Variants in TRHDE observed in about 807,000 individuals in gnomAD.
The protein encoded by TRHDE is thyrotropin-releasing hormone-degrading ectoenzyme.
In TRHDE, 72 loss-of-function variants were observed where a neutral mutation model predicts 125.7. The observed-to-expected ratio is 0.57, with a 90% CI of 0.47 to 0.70. The LOEUF (loss-of-function observed/expected upper bound fraction) is 0.70. Among genes scored for constraint, TRHDE ranks in the 30% least tolerant of loss-of-function variants. The probability of loss-of-function intolerance (pLI) is 0.00; values close to 1 mark genes in which losing one functional copy is unlikely to be tolerated. For synonymous variants in TRHDE, 509 were observed against 509.1 expected (o/e 1.00, Z 0.00); for missense variants, 1,110 against 1,327.1 (o/e 0.84, Z 2.54).
chr12:72,614,330 A>AT (rs1555202261), intron 12 of TRHDE, among the ~76,000 whole-genome samples: 1,760 of 129,818 alleles, frequency 0.014, 26 homozygotes, highest in South Asian at 0.034. Flanking sequence ...ATATATATAT[A>AT]TTTTTTTTTT....
In TRHDE at chr12:72,608,755, A is replaced by G. The variant is rs548711221; in HGVS notation, c.2322-10136A>G. Among the ~76,000 whole-genome samples the G allele has an allele frequency of 3.5e-4, 53 of 152,322 alleles. 2 individuals carry two copies. The South Asian group carries it at 0.011, about 31-fold the overall frequency. ...TAAGGCCATGGATTACTCTCACTTC[A>G]TATCCCCTATAATTTTCTCCCATAT... On this transcript the variant is annotated intron_variant, in intron 12 of 18. Transcript: ENST00000261180.
In TRHDE at chr12:72,380,738, C is replaced by G. The variant is rs539503403; in HGVS notation, c.1315+2617C>G. 7.6e-3 allele frequency among the ~76,000 whole-genome samples: 704 copies of G among 92,530 alleles called. 4 individuals carry two copies. Among genetic ancestry groups the G allele is most frequent in the Middle Eastern group, 0.017 (3 of 178 alleles). The allele number at this position is 92,530 out of a possible 152,430, so 60.7% of individuals were successfully genotyped here. ...TCCTTCCTTCCTTCCTTCCTTGCTT[C>G]CTTCCTTCCTTCCTTCCTTCCTTCC... On this transcript the variant is annotated intron_variant, in intron 3 of 18. Transcript: ENST00000261180.
intron 7 of TRHDE, among the ~76,000 whole-genome samples, chr12:72,560,209 T>C (rs923923567): frequency 2.6e-5 from 4 of 152,168 alleles, no homozygotes; most frequent in African/African-American, 9.7e-5. Flanking sequence ...AGATATGTTA[T>C]CTTCCCTGAA....
At chr12:72,571,279 T>C (rs373774726) in intron 10 of TRHDE, among the ~76,000 whole-genome samples, 2 of 152,172 alleles carry the variant, frequency 1.3e-5, no homozygotes, top group African/African-American at 4.8e-5. Flanking sequence ...GAAGAAAAAA[T>C]TCTGTTAAAT....
At chr12:72,353,591 C>A (rs1296550351) in intron 2 of TRHDE, among the ~76,000 whole-genome samples, 1 of 151,372 alleles carries the variant, frequency 6.6e-6, no homozygotes, top group Non-Finnish European at 1.5e-5. Context: ...GGGATCCAAA[C>A]AAAACTGCTC....
chr12:72,579,228 C>T (rs1871135599), intron 12 of TRHDE, among the ~76,000 whole-genome samples: 1 of 151,918 alleles, frequency 6.6e-6, no homozygotes, highest in Non-Finnish European at 1.5e-5. Context: ...ATTTAACCCT[C>T]CATCAACCAT....
chr12:72,380,885 T>C lies in TRHDE; in HGVS notation c.1315+2764T>C, dbSNP rs183130287. On this transcript the variant is annotated intron_variant, in intron 3 of 18. Transcript: ENST00000261180. ...TTTCTCTCTCTCTCTCTTCTTTCTT[T>C]CTTCCTTCCTTCCTTCCTTCCTTTC... 5.6e-3 allele frequency among the ~76,000 whole-genome samples: 827 copies of C among 146,744 alleles called. 13 individuals carry two copies. Among genetic ancestry groups the C allele is most frequent in the African/African-American group, 0.019 (765 of 39,376 alleles).
chr12:72,628,340 T>C (rs1201115520), intron 15 of TRHDE, among the ~76,000 whole-genome samples: 1 of 151,778 alleles, frequency 6.6e-6, no homozygotes, highest in African/African-American at 2.4e-5. Flanking sequence ...ACAGGAGAGA[T>C]GCACATTCTT....
chr12:72,312,270 A>G (rs73338618), intron 2 of TRHDE, among the ~76,000 whole-genome samples: 4 of 152,290 alleles, frequency 2.6e-5, no homozygotes, highest in South Asian at 2.1e-4. Context: ...CTTATGCTCT[A>G]TTTATCTACC....
chr12:72,275,171 T>G lies in TRHDE; in HGVS notation c.914+1614T>G, dbSNP rs979792469. ...GTCAGTGGAGAGTTAGGACTTGAAC[T>G]TTGGTTCTCTAATCCCTGGACCAGA... On this transcript the variant is annotated intron_variant, in intron 1 of 18. Transcript: ENST00000261180. 3.9e-5 allele frequency among the ~76,000 whole-genome samples: 6 copies of G among 152,194 alleles called. No individual in the cohort carries two copies. The East Asian group carries it at 9.6e-4, about 24-fold the overall frequency.
chr12:72,567,178 G>A (rs1349384008), intron 9 of TRHDE, among the ~76,000 whole-genome samples: 1 of 151,896 alleles, frequency 6.6e-6, no homozygotes, highest in Non-Finnish European at 1.5e-5. Flanking sequence ...GAGTTTACAT[G>A]AGTTGTTGTT....
At chr12:72,281,938 G>A (rs2139421330) in intron 1 of TRHDE, among the ~76,000 whole-genome samples, 1 of 152,204 alleles carries the variant, frequency 6.6e-6, no homozygotes, top group East Asian at 1.9e-4. Flanking sequence ...TTCCTTCTTA[G>A]CTCAACCAAA....
At chr12:72,119,552 G>A (rs561724552) in intron 2 of TRHDE, among the ~76,000 whole-genome samples, 37 of 152,244 alleles carry the variant, frequency 2.4e-4, no homozygotes, top group African/African-American at 7.0e-4. Context: ...TATCAGGTCC[G>A]TTTGTTTTAT....
At chr12:72,307,260 C>A (rs1477753851) in intron 2 of TRHDE, among the ~76,000 whole-genome samples, 1 of 151,954 alleles carries the variant, frequency 6.6e-6, no homozygotes, top group African/African-American at 2.4e-5. Context: ...CTCTGCCTCC[C>A]GGCAAGTGAT....
chr12:72,122,769 GAGT>G (rs552540955), intron 2 of TRHDE, among the ~76,000 whole-genome samples: 162 of 152,178 alleles, frequency 1.1e-3, no homozygotes, highest in Middle Eastern at 3.4e-3. Context: ...TCTTCTATGT[GAGT>G]AGAAGTGGCA....
At position 72,637,078 on chromosome 12, in the gene TRHDE, G is replaced by A. The variant is rs1258599370; in HGVS notation, c.2676-15244G>A. Among the ~76,000 whole-genome samples the A allele has an allele frequency of 2.0e-5, 3 of 152,248 alleles. No homozygotes were observed. In the East Asian group the frequency reaches 5.8e-4, roughly 29 times the overall value. On this transcript the variant is annotated intron_variant, in intron 15 of 18. Transcript: ENST00000261180. ...GATTGGAATAGTTTCAGAAGGAATG[G>A]TACCAGTTCCTCCTTGTACCTCTGG...
rs140368743 is a variant in TRHDE at position 72,591,989 on chromosome 12, G to T, written c.2321+16447G>T. 7.3e-5 allele frequency among the ~76,000 whole-genome samples: 11 copies of T among 150,466 alleles called. No homozygotes were observed. The East Asian group carries it at 1.8e-3, about 24-fold the overall frequency. ...AAGCACTTGCTGCTTATTCTGTATG[G>T]TATTTGTTTAGCATTTTGTATTTGC... is the stretch of plus-strand genomic sequence containing the variant. On this transcript the variant is annotated intron_variant, in intron 12 of 18. Transcript: ENST00000261180.
At chr12:72,243,501 T>C (rs1474854344) in intron 2 of TRHDE, among the ~76,000 whole-genome samples, 1 of 152,222 alleles carries the variant, frequency 6.6e-6, no homozygotes, top group Non-Finnish European at 1.5e-5. Flanking sequence ...CAAAATATTT[T>C]GTTAATAATT....
rs931569633 is a variant in TRHDE at position 72,217,168 on chromosome 12, G to A, written n.279+111416G>A. On this transcript the variant is annotated intron_variant and non_coding_transcript_variant, in intron 2 of 4. Coordinates refer to the TRHDE transcript ENST00000548156. ...AAAGAAGAGCAGAAATGAAGGTATA[G>A]GAACAGGTTCATATACACAGTATCT... is the stretch of plus-strand genomic sequence containing the variant. Among the ~76,000 whole-genome samples, 3 of 152,070 alleles carry A rather than the reference G, an allele frequency of 2.0e-5. No individual in the cohort carries two copies. The East Asian group carries it at 5.8e-4, about 29-fold the overall frequency.
Sources: allele counts gnomAD v4.1 joint callset (sites outside exome capture counted in the v4.1 genomes callset), GRCh38; gene constraint gnomAD v4.1.1; transcripts MANE v1.5; gene names NCBI Gene and HGNC (gene_info 2026-07-23, HGNC 2026-07-21).